The following ORAI2 variants were observed in gnomAD, a reference collection of about 807,000 sequenced individuals.
ORAI2 encodes the protein ORAI calcium release-activated calcium modulator 2.
ORAI2 carries 10 observed loss-of-function variants against 16.2 expected under a neutral mutation model. The observed-to-expected ratio is 0.62, with a 90% confidence interval of 0.38 to 1.04. ORAI2 has a LOEUF of 1.04. ORAI2 is among the 50% of genes least tolerant of loss of function. ORAI2 has a pLI of 0.01. For synonymous variants in ORAI2, 150 were observed against 157.5 expected (o/e 0.95, Z 0.35); for missense variants, 238 against 355.5 (o/e 0.67, Z 2.66).
At chr7:102,445,002 G>A (rs973403851) in intron 3 of ORAI2, among the ~76,000 whole-genome samples, 7 of 90,306 alleles carry the variant, frequency 7.8e-5, no homozygotes, top group African/African-American at 3.8e-4. Flanking sequence ...AGAGCCTGCC[G>A]TTCCTTGGTT....
In ORAI2 at chr7:102,452,853, A is replaced by C. The variant is rs1438028808; in HGVS notation, c.*5801A>C. On this transcript the variant is annotated 3_prime_UTR_variant, in exon 4 of 4. Transcript: ENST00000495936. ...TTGAAACAGTCTCTCTCTGTCTCCC[A>C]GGCTGGAGTGCAGTGGCGTGATCTC... 1.3e-5 allele frequency: 2 copies of C among 151,996 alleles called. No homozygotes were observed. Among genetic ancestry groups the C allele is most frequent in the Non-Finnish European group, 2.9e-5 (2 of 68,078 alleles). 9.4% of individuals were successfully genotyped at this position (151,996 alleles called of 1,614,324 possible). A position where few individuals can be genotyped will look rare whatever the true frequency, so the allele number is the denominator to read the frequency against.
intron 3 of ORAI2, among the ~76,000 whole-genome samples, chr7:102,441,471 G>A (rs1031407868): frequency 2.7e-5 from 4 of 150,210 alleles, no homozygotes; most frequent in African/African-American, 9.8e-5. Flanking sequence ...CCCGGGAGGC[G>A]GAGGTTGCAC....
chr7:102,438,000 G>A (rs1797102512), intron 2 of ORAI2, among the ~76,000 whole-genome samples: 1 of 152,098 alleles, frequency 6.6e-6, no homozygotes, highest in African/African-American at 2.4e-5. Context: ...AGTGAGCTGT[G>A]ATCGTACCAC....
chr7:102,440,893 T>C (rs1797181460), intron 3 of ORAI2, among the ~76,000 whole-genome samples: 1 of 151,550 alleles, frequency 6.6e-6, no homozygotes. Context: ...TCTTTTTGTT[T>C]GTTTTTGTTT....
At chr7:102,437,677 T>G (rs1797096406) in intron 2 of ORAI2, among the ~76,000 whole-genome samples, 1 of 152,204 alleles carries the variant, frequency 6.6e-6, no homozygotes, top group South Asian at 2.1e-4. Flanking sequence ...TAGCAGCTAC[T>G]TGGAAATGTT....
rs1797417797 is a variant in ORAI2, at chr7:102,447,990, C to G, written c.*938C>G. On this transcript the variant is annotated 3_prime_UTR_variant, in exon 4 of 4. Coordinates refer to ENST00000495936, the MANE Select transcript of ORAI2 (RefSeq NM_001126340.3). ...GCTGTGGCAGCAGGAGGCGGGGGCT[C>G]TGGCTCAGGCCCCGGAGCCTGTGCA... 1 of 152,350 alleles carries G rather than the reference C, an allele frequency of 6.6e-6. No individual in the cohort carries two copies. Among genetic ancestry groups the G allele is most frequent in the East Asian group, 1.9e-4 (1 of 5,200 alleles). 9.4% of individuals were successfully genotyped at this position (152,350 alleles called of 1,614,324 possible).
chr7:102,450,292 C>G lies in ORAI2; in HGVS notation c.*3240C>G, dbSNP rs1030436675. On this transcript the variant is annotated 3_prime_UTR_variant, in exon 4 of 4. Coordinates refer to ENST00000495936, the MANE Select transcript of ORAI2 (RefSeq NM_001126340.3). ...GGGTCAAGAAGACAGGCTGGCTCTCCTAAACAAACGGCTCCCCACGGCTGG... is the reference window on the plus strand; with the variant it reads ...GGGTCAAGAAGACAGGCTGGCTCTCGTAAACAAACGGCTCCCCACGGCTGG... 6.6e-6 allele frequency: 1 copy of G among 152,242 alleles called. No individual in the cohort carries two copies. Among genetic ancestry groups the G allele is most frequent in the African/African-American group, 2.4e-5 (1 of 41,446 alleles). 9.4% of individuals were successfully genotyped at this position (152,242 alleles called of 1,614,324 possible). A position where few individuals can be genotyped will look rare whatever the true frequency, so the allele number is the denominator to read the frequency against.
At position 102,450,553 on chromosome 7, in the gene ORAI2, A is replaced by C. The variant is rs1797493712; in HGVS notation, c.*3501A>C. On this transcript the variant is annotated 3_prime_UTR_variant, in exon 4 of 4. Coordinates refer to ENST00000495936, the MANE Select transcript of ORAI2 (RefSeq NM_001126340.3). ...GTATTAAGTGCCCAGTGATGGTGGC[A>C]CATGGGTGGGGACGGAGCCACATCC... The C allele has an allele frequency of 6.6e-6, 1 of 152,294 alleles. No homozygotes were observed. The highest frequency in any genetic ancestry group is 1.5e-5 in the Non-Finnish European group (1 of 68,074). 9.4% of individuals were successfully genotyped at this position (152,294 alleles called of 1,614,324 possible).
intron 2 of ORAI2, among the ~76,000 whole-genome samples, chr7:102,437,479 G>A (rs966040360): frequency 6.6e-6 from 1 of 152,082 alleles, no homozygotes. Flanking sequence ...GCCAGGCATG[G>A]TGGCACATGC....
At chr7:102,444,322 A>G (rs1020819340) in intron 3 of ORAI2, among the ~76,000 whole-genome samples, 4 of 144,020 alleles carry the variant, frequency 2.8e-5, no homozygotes, top group African/African-American at 1.0e-4. Flanking sequence ...GCATGATCTC[A>G]GCTCACTGAA....
At chr7:102,443,125 CTTCTTCTTTT>C (rs1282135941) in intron 3 of ORAI2, among the ~76,000 whole-genome samples, 566 of 26,564 alleles carry the variant, frequency 0.021, 8 homozygotes, top group African/African-American at 0.04. Context: ...TCTTCTTCTT[CTTCTTCTTTT>C]TTTTTTTTTT....
intron 3 of ORAI2, among the ~76,000 whole-genome samples, chr7:102,439,496 AC>A (rs1313744685): frequency 6.6e-6 from 1 of 152,178 alleles, no homozygotes; most frequent in East Asian, 1.9e-4. Flanking sequence ...TCTGTGACTC[AC>A]ACCTGTAATC....
intron 3 of ORAI2, 88 bp from the exon 4 acceptor site, chr7:102,446,425 C>T: frequency 1.4e-6 from 2 of 1,396,580 alleles, no homozygotes; most frequent in Non-Finnish European, 1.9e-6. Context: ...GAACCTGGCC[C>T]AGCCCCTGCT....
chr7:102,449,594 C>T lies in ORAI2; in HGVS notation c.*2542C>T, dbSNP rs148877097. On this transcript the variant is annotated 3_prime_UTR_variant, in exon 4 of 4. Transcript: ENST00000495936. ...TGGTGGCGGGTACCTGTAATCCCAG[C>T]TACTCAGGAGGCTGAGGCAAGAGAA... 2 of 152,280 alleles carry T rather than the reference C, an allele frequency of 1.3e-5. No individual in the cohort carries two copies. The highest frequency in any genetic ancestry group is 4.8e-5 in the African/African-American group (2 of 41,548). 9.4% of individuals were successfully genotyped at this position (152,280 alleles called of 1,614,324 possible).
rs1797133324 is a variant in ORAI2, at chr7:102,439,191, G to A, written c.225+10G>A. 6.2e-7 allele frequency: 1 copy of A among 1,609,778 alleles called. No homozygotes were observed. Among genetic ancestry groups the A allele is most frequent in the Non-Finnish European group, 8.5e-7 (1 of 1,177,156 alleles). On this transcript the variant is annotated intron_variant, in intron 3 of 3. Coordinates refer to ENST00000495936, the MANE Select transcript of ORAI2 (RefSeq NM_001126340.3). ...CTCCGGCTTTGCCATGGTGAGTGTG[G>A]GCGCCAAGTGAGGAGCACACTGGTC...
rs1217516417 is a variant in ORAI2 at position 102,438,961 on chromosome 7, G to A, written c.5G>A (p.Ser2Asn). 6.2e-7 allele frequency: 1 copy of A among 1,613,938 alleles called. No homozygotes were observed. Among genetic ancestry groups the A allele is most frequent in the Admixed American group, 1.7e-5 (1 of 60,002 alleles). ...ACCCTTAGCCTGGCTCCCACCATGA[G>A]TGCTGAGCTTAACGTGCCTATCGAC... M[S>N]AELNVPIDPS... Residue 2 changes from serine to asparagine, a missense_variant, in exon 3 of 4, where the codon AGT becomes AAT. By Grantham distance (46) the Ser-to-Asn change is conservative. Around this residue, in one of 3 missense-constraint regions of ORAI2, gnomAD observed 61 missense variants for 72.7 expected, o/e 0.84. Coordinates refer to ENST00000495936, the MANE Select transcript of ORAI2 (RefSeq NM_001126340.3).
At chr7:102,435,277 A>G (rs1033758692) in intron 1 of ORAI2, among the ~76,000 whole-genome samples, 5 of 152,122 alleles carry the variant, frequency 3.3e-5, no homozygotes, top group African/African-American at 1.2e-4. Context: ...TGTCAAAAAA[A>G]ATTATTTTTA....
At chr7:102,445,803 TTTCC>T (rs759906455) in intron 3 of ORAI2, among the ~76,000 whole-genome samples, 49 of 151,898 alleles carry the variant, frequency 3.2e-4, no homozygotes, top group East Asian at 1.7e-3. Flanking sequence ...CTTTCTTTTG[TTTCC>T]TTCCTTCCTT....
chr7:102,443,111 T>G, intron 3 of ORAI2, among the ~76,000 whole-genome samples: 1 of 119,450 alleles, frequency 8.4e-6, no homozygotes, highest in African/African-American at 3.5e-5. Flanking sequence ...CTTCTTCTTC[T>G]TCTTCTTCTT....
Sources: gnomAD v4.1 joint callset for allele counts (sites outside exome capture counted in the v4.1 genomes callset) on GRCh38, gnomAD v4.1.1 for gene constraint, gnomAD v4.1.1 regional missense constraint, MANE v1.5 for transcripts, NCBI Gene and HGNC (gene_info 2026-07-23, HGNC 2026-07-21) for gene names.